Variants in STAB1 observed in about 807,000 individuals in gnomAD.
STAB1 encodes the protein stabilin 1.
A neutral mutation model predicts 332.4 loss-of-function variants in STAB1; 250 were observed. That is an observed-to-expected ratio of 0.75 (90% CI 0.68 to 0.84). STAB1 has a LOEUF of 0.84. Among genes scored for constraint, STAB1 ranks in the 40% least tolerant of loss-of-function variants. The pLI is 0.00. For missense variants in STAB1, 3,249 were observed against 3,489.7 expected, an observed-to-expected ratio of 0.93 and a Z score of 1.74; for synonymous variants, 1,475 against 1,390.4, an observed-to-expected ratio of 1.06 and a Z score of -1.35.
rs1205686982 is a variant in STAB1, at chr3:52,522,462, C to T, written c.6598C>T (p.Leu2200=). ...PCHSDAMCTD[L]HFQEKRAGVF... is the part of the protein sequence containing the mutation. ...CCACTCAGATGCCATGTGCACTGAC[C>T]TGCACTTCCAGGGTGTGTCCCCCTG... Residue 2200 remains leucine, a synonymous_variant, in exon 60 of 69, where the codon CTG becomes TTG. Transcript: ENST00000321725. 6.2e-7 allele frequency: 1 copy of T among 1,613,208 alleles called. No homozygotes were observed. The highest frequency in any genetic ancestry group is 2.2e-5 in the East Asian group (1 of 44,878).
At chr3:52,521,065 C>T in intron 55 of STAB1, 60 bp downstream of exon 55, 1 of 1,467,836 alleles carries the variant, frequency 6.8e-7, no homozygotes, top group East Asian at 2.4e-5. Context: ...CAAGGCACAG[C>T]TCTGGCCATT....
intron 1 of STAB1, among the ~76,000 whole-genome samples, chr3:52,497,435 T>C (rs999304015): frequency 2.1e-5 from 3 of 140,172 alleles, no homozygotes; most frequent in Admixed American, 7.3e-5. Context: ...TTTTTTGAGA[T>C]GGTGTCTCTC....
Position 52,518,555 on chromosome 3 carries a change from G to A in STAB1, c.4829G>A (p.Gly1610Asp). ...CCGCAGGAATATAAGGAGCTCAAGG[G>A]CGATGGGCCTTTCACCATCTTCGTG... ...LRLLEYKELK[G>D]DGPFTIFVPH... Residue 1610 changes from glycine to aspartate, a missense_variant, in exon 47 of 69, where the codon GGC becomes GAC. Transcript: ENST00000321725. 1 of 1,593,984 alleles carries A rather than the reference G, an allele frequency of 6.3e-7. No individual in the cohort carries two copies. The highest frequency in any genetic ancestry group is 1.1e-5 in the South Asian group (1 of 88,534).
In STAB1 at chr3:52,505,611, G is replaced by T. The variant is rs905752186; in HGVS notation, c.1582-57G>T. 4 of 1,559,446 alleles carry T rather than the reference G, an allele frequency of 2.6e-6. No individual in the cohort carries two copies. The African/African-American group carries it at 5.4e-5, about 21-fold the overall frequency. Reference sequence around the variant, plus strand: ...GCCAAAGGTGGCAGGGCCCAGGCAGGACTCAGAGGTGGAGGCTGGCCATGC... The same window carrying T: ...GCCAAAGGTGGCAGGGCCCAGGCAGTACTCAGAGGTGGAGGCTGGCCATGC... On this transcript the variant is annotated intron_variant, in intron 14 of 68. Coordinates refer to ENST00000321725, the MANE Select transcript of STAB1 (RefSeq NM_015136.3).
At chr3:52,499,671 G>A (rs1201953971) in intron 1 of STAB1, among the ~76,000 whole-genome samples, 2 of 151,870 alleles carry the variant, frequency 1.3e-5, no homozygotes, top group Non-Finnish European at 2.9e-5. Flanking sequence ...AGGCCGAGGC[G>A]GGCGGATCAC....
chr3:52,515,542 A>G (rs1181138611), intron 37 of STAB1, 36 bp downstream of exon 37: 2 of 1,609,760 alleles, frequency 1.2e-6, no homozygotes, highest in Non-Finnish European at 1.7e-6. Context: ...GCCTGTCCAG[A>G]GAGAAGGAGG....
At position 52,506,216 on chromosome 3, in the gene STAB1, C is replaced by A; in HGVS notation, c.1796C>A (p.Ala599Glu). ...TCCAAGGGTCGGATCCTCACCATGG[C>A]GAACCAGGTCCTGGCTGTGAACATT... is the stretch of plus-strand genomic sequence containing the variant. ...LISKGRILTMANQVLAVNISE... is the reference protein window; with the variant it reads ...LISKGRILTMENQVLAVNISE... Residue 599 changes from alanine (A) to glutamate (E), a missense_variant, in exon 17 of 69, where the codon GCG becomes GAG. Coordinates refer to ENST00000321725, the MANE Select transcript of STAB1 (RefSeq NM_015136.3). 6.2e-7 allele frequency: 1 copy of A among 1,612,890 alleles called. No individual in the cohort carries two copies. The highest frequency in any genetic ancestry group is 1.1e-5 in the South Asian group (1 of 90,758).
rs1411141146 is a variant in STAB1, at chr3:52,508,293, T to G, written c.2169T>G (p.Gly723=). Residue 723 remains glycine (G), a synonymous_variant, in exon 21 of 69, where the codon GGT becomes GGG. Transcript: ENST00000321725. ...QTIMEQGCCK[G]FFGPDCTQCP... ...TATAGGAACAAGGCTGCTGCAAAGGTTTTTTCGGGCCTGACTGCACGCAGT... is the reference window on the plus strand; with the variant it reads ...TATAGGAACAAGGCTGCTGCAAAGGGTTTTTCGGGCCTGACTGCACGCAGT... 6.2e-7 allele frequency: 1 copy of G among 1,612,792 alleles called. No individual in the cohort carries two copies. The highest frequency in any genetic ancestry group is 8.5e-7 in the Non-Finnish European group (1 of 1,179,296).
Position 52,505,921 on chromosome 3 carries a change from C to G in STAB1, c.1734C>G (p.Ile578Met). 1 of 1,613,870 alleles carries G rather than the reference C, an allele frequency of 6.2e-7. No homozygotes were observed. The change falls in exon 16 of 69, where the codon ATC (isoleucine) becomes ATG (methionine). Residue 578 changes from isoleucine (I) to methionine (M), a missense_variant. Transcript: ENST00000321725. ...SKLQELVRYH[I>M]YNHGQLTVEK... Reference sequence around the variant, plus strand: ...TGCAGGAGTTGGTGCGGTACCACATCTACAACCACGGCCAGGTGCGAGGTC... The same window carrying G: ...TGCAGGAGTTGGTGCGGTACCACATGTACAACCACGGCCAGGTGCGAGGTC...
intron 3 of STAB1, 67 bp downstream of exon 3, chr3:52,501,820 C>T: frequency 2.7e-6 from 4 of 1,455,182 alleles, no homozygotes; most frequent in Non-Finnish European, 3.8e-6. Flanking sequence ...AAGCCCTCTG[C>T]AGGAGCCACC....
chr3:52,514,827 C>A lies in STAB1; in HGVS notation c.3805C>A (p.Arg1269=), dbSNP rs200808103. Residue 1269 remains arginine (R), a splice_region_variant and synonymous_variant, in exon 35 of 69, where the codon CGG becomes AGG. Coordinates refer to ENST00000321725, the MANE Select transcript of STAB1 (RefSeq NM_015136.3). ...RCLHSHAEAL[R]EKCVNCTRRF... ...CCTGCATAGCCACGCTGAGGCCCTG[C>A]GGGTGAGAGGCTGGGGCCACAGGAA... is the stretch of plus-strand genomic sequence containing the variant. The A allele has an allele frequency of 3.1e-6, 5 of 1,612,792 alleles. No individual in the cohort carries two copies. In the East Asian group the frequency reaches 1.1e-4, roughly 36 times the overall value.
Position 52,523,141 on chromosome 3 carries a change from G to A in STAB1, c.7020+7G>A, listed in dbSNP as rs1342556989. ...CTTCTCCACCTTCTATGGGGTGTGT[G>A]GGGGCCACCCTTGGGGGCGGGGGGT... On this transcript the variant is annotated splice_region_variant and intron_variant, in intron 63 of 68. Coordinates refer to ENST00000321725, the MANE Select transcript of STAB1 (RefSeq NM_015136.3). 1 of 1,603,788 alleles carries A rather than the reference G, an allele frequency of 6.2e-7. No individual in the cohort carries two copies. Among genetic ancestry groups the A allele is most frequent in the Non-Finnish European group, 8.5e-7 (1 of 1,175,548 alleles).
intron 48 of STAB1, 32 bp downstream of exon 48, chr3:52,518,901 T>TCCCGCCCCGCCCCGTCCCGC: frequency 4.9e-6 from 5 of 1,017,604 alleles, no homozygotes; most frequent in Non-Finnish European, 6.6e-6. Flanking sequence ...CCCCGCTCCA[T>TCCCGCCCCGCCCCGTCCCGC]CCCGCCCCGC....
chr3:52,499,320 G>A (rs1012147250), intron 1 of STAB1, among the ~76,000 whole-genome samples: 1 of 152,258 alleles, frequency 6.6e-6, no homozygotes, highest in Non-Finnish European at 1.5e-5. Flanking sequence ...ACTTCCAGGA[G>A]CTATGGCAGG....
chr3:52,504,628 C>G, intron 11 of STAB1, 79 bp downstream of exon 11: 1 of 1,611,848 alleles, frequency 6.2e-7, no homozygotes, highest in Non-Finnish European at 8.5e-7. Context: ...TCAGGGCCAC[C>G]TGGAAGGCAT....
Position 52,517,981 on chromosome 3 carries a change from C to T in STAB1, c.4739C>T (p.Thr1580Ile), listed in dbSNP as rs760830580. 3.7e-6 allele frequency: 6 copies of T among 1,604,876 alleles called. No individual in the cohort carries two copies. In the South Asian group the frequency reaches 5.6e-5, roughly 15 times the overall value. ...DTAHTVGDGLTCRARVGLELL... is the reference protein window; with the variant it reads ...DTAHTVGDGLICRARVGLELL... ...GCCCACACCGTGGGGGACGGCCTCACCTGCCGTGCCCGAGTCGGCCTGGTA... is the reference window on the plus strand; with the variant it reads ...GCCCACACCGTGGGGGACGGCCTCATCTGCCGTGCCCGAGTCGGCCTGGTA... The change falls in exon 45 of 69, where the codon ACC becomes ATC. Residue 1580 changes from threonine to isoleucine, a missense_variant. Physicochemically the swap from Thr to Ile is moderately conservative, Grantham distance 89. Coordinates refer to ENST00000321725, the MANE Select transcript of STAB1 (RefSeq NM_015136.3).
intron 46 of STAB1, 48 bp from the exon 47 acceptor site, chr3:52,518,488 C>T (rs775564578): frequency 5.1e-6 from 8 of 1,562,430 alleles, no homozygotes; most frequent in East Asian, 4.7e-5. Flanking sequence ...GATCCATGGA[C>T]GCCTCAGGCT....
intron 42 of STAB1, 43 bp from the exon 43 acceptor site, chr3:52,517,277 G>A: frequency 2.0e-6 from 3 of 1,520,410 alleles, no homozygotes; most frequent in East Asian, 2.3e-5. Context: ...AGGAAGGGGG[G>A]GGCCACTAAG....
chr3:52,503,553 C>T lies in STAB1; in HGVS notation c.891+13C>T, dbSNP rs572685718. ...GAAGCCGGGCCAGGTGAGCCAGGGT[C>T]CCAGGCCGGAACTGTCCCCACAGTG... On this transcript the variant is annotated intron_variant, in intron 8 of 68. Transcript: ENST00000321725. 2.4e-5 allele frequency: 39 copies of T among 1,611,720 alleles called. No homozygotes were observed. The East Asian group carries it at 5.1e-4, about 21-fold the overall frequency.
Sources: allele counts gnomAD v4.1 joint callset (sites outside exome capture counted in the v4.1 genomes callset), GRCh38; gene constraint gnomAD v4.1.1; transcripts MANE v1.5; gene names NCBI Gene and HGNC (gene_info 2026-07-23, HGNC 2026-07-21).